The following SH3BP4 variants were observed in gnomAD, a reference collection of about 807,000 sequenced individuals.
The protein encoded by SH3BP4 is SH3 domain-binding protein 4.
SH3BP4 carries 33 observed loss-of-function variants against 65.5 expected under a neutral mutation model. The ratio of observed to expected loss-of-function variants is 0.50; its 90% CI spans 0.38 to 0.67. The LOEUF is 0.67. Ranked by LOEUF, SH3BP4 falls within the 30% of genes least tolerant of loss-of-function variation. The pLI, the probability that SH3BP4 is intolerant of heterozygous loss-of-function variation, is 0.00. For synonymous variants in SH3BP4, 552 were observed against 545.5 expected, an observed-to-expected ratio of 1.01 and a Z score of -0.17; for missense variants, 1,134 against 1,261.4, an observed-to-expected ratio of 0.90 and a Z score of 1.53.
intron 2 of SH3BP4, among the ~76,000 whole-genome samples, chr2:235,016,111 T>G (rs1694677312): frequency 8.1e-6 from 1 of 123,172 alleles, no homozygotes; most frequent in Non-Finnish European, 1.6e-5. Context: ...TGGAGACATC[T>G]TTAGATGTCA....
intron 2 of SH3BP4, among the ~76,000 whole-genome samples, chr2:235,020,754 A>C (rs1302274106): frequency 6.6e-6 from 1 of 152,178 alleles, no homozygotes; most frequent in African/African-American, 2.4e-5. Context: ...ACCCTAGAAG[A>C]AGTGCTTTTT....
At chr2:234,983,977 TACA>T (rs921180832) in intron 1 of SH3BP4, among the ~76,000 whole-genome samples, 6 of 152,210 alleles carry the variant, frequency 3.9e-5, no homozygotes, top group Non-Finnish European at 8.8e-5. Context: ...GGTAGTTTGT[TACA>T]ACATCGATAG....
At chr2:234,994,641 T>TTCA (rs1422802903) in intron 1 of SH3BP4, 7 of 152,116 alleles carry the variant, frequency 4.6e-5, no homozygotes, top group Admixed American at 2.0e-4. Flanking sequence ...GTGTCTGGGG[T>TTCA]TCATCTTCAG....
chr2:235,010,447 C>T (rs915870961), intron 2 of SH3BP4, among the ~76,000 whole-genome samples: 14 of 152,294 alleles, frequency 9.2e-5, no homozygotes, highest in Middle Eastern at 3.4e-3. Flanking sequence ...CTCTGCATCT[C>T]GGTTTCCTCA....
chr2:234,984,337 G>C (rs1040349283), intron 1 of SH3BP4, among the ~76,000 whole-genome samples: 4 of 152,062 alleles, frequency 2.6e-5, no homozygotes, highest in Non-Finnish European at 5.9e-5. Flanking sequence ...GAGTAGCTGG[G>C]ACTGCAGGCA....
At chr2:235,011,626 A>T (rs1312690163) in intron 2 of SH3BP4, among the ~76,000 whole-genome samples, 1 of 152,196 alleles carries the variant, frequency 6.6e-6, no homozygotes, top group Non-Finnish European at 1.5e-5. Flanking sequence ...CCTGCTGAGA[A>T]CAGCGACAGT....
At chr2:235,006,487 T>C (rs1694299994) in intron 2 of SH3BP4, among the ~76,000 whole-genome samples, 1 of 151,132 alleles carries the variant, frequency 6.6e-6, no homozygotes, top group African/African-American at 2.4e-5. Context: ...CGGATGAAGG[T>C]CCCGATGGTG....
rs780165191 is a variant in SH3BP4 at position 235,033,390 on chromosome 2, C to CT, written c.-132-1480dup. On this transcript the variant is annotated intron_variant, in intron 2 of 5. Coordinates refer to ENST00000392011, the MANE Select transcript of SH3BP4 (RefSeq NM_014521.3). The surrounding 1 kb of genome is among the most constrained non-coding windows in gnomAD (Gnocchi z 5.7). ...CCCACCTTCATGATCTCTTCTAACT[C>CT]TAACTACTCCCCACTGCCCCACCTG... Among the ~76,000 whole-genome samples, 3 of 152,202 alleles carry CT rather than the reference C, an allele frequency of 2.0e-5. No individual in the cohort carries two copies. Among genetic ancestry groups the CT allele is most frequent in the Admixed American group, 1.3e-4 (2 of 15,290 alleles).
intron 1 of SH3BP4, among the ~76,000 whole-genome samples, chr2:234,994,263 A>G (rs1333401107): frequency 2.0e-5 from 3 of 152,056 alleles, no homozygotes; most frequent in Non-Finnish European, 4.4e-5. Flanking sequence ...ATCACAGGGA[A>G]TGATTCTTTC....
Position 235,007,333 on chromosome 2 carries a change from A to G in SH3BP4, c.-133+11957A>G, listed in dbSNP as rs1178436638. On this transcript the variant is annotated intron_variant, in intron 2 of 5. Coordinates refer to ENST00000392011, the MANE Select transcript of SH3BP4 (RefSeq NM_014521.3). ...GACCAAATGGCCTGAAAAGCCCCAG[A>G]TACTGACTCTCTGATCCTTTACCAC... is the stretch of plus-strand genomic sequence containing the variant. 3.3e-5 allele frequency among the ~76,000 whole-genome samples: 5 copies of G among 152,124 alleles called. 1 individual carries two copies. The South Asian group carries it at 1.0e-3, about 32-fold the overall frequency.
intron 1 of SH3BP4, among the ~76,000 whole-genome samples, chr2:234,986,553 G>A (rs1047188913): frequency 1.3e-5 from 2 of 152,156 alleles, no homozygotes; most frequent in African/African-American, 4.8e-5. Flanking sequence ...ACTGCAGCCT[G>A]TGTGGTCTTG....
chr2:234,984,162 G>A (rs1245294769), intron 1 of SH3BP4, among the ~76,000 whole-genome samples: 1 of 152,162 alleles, frequency 6.6e-6, no homozygotes, highest in Non-Finnish European at 1.5e-5. Flanking sequence ...CCTCAGCCTG[G>A]AAGTGACCCA....
At chr2:235,038,382 T>TAC (rs1313230821) in intron 3 of SH3BP4, among the ~76,000 whole-genome samples, 1 of 9,346 alleles carries the variant, frequency 1.1e-4, no homozygotes. Flanking sequence ...TATACATATA[T>TAC]ATATATATAT....
At position 234,970,228 on chromosome 2, in the gene SH3BP4, C is replaced by T. The variant is rs532060043; in HGVS notation, c.-207+18058C>T. 2.0e-5 allele frequency among the ~76,000 whole-genome samples: 3 copies of T among 152,302 alleles called. No individual in the cohort carries two copies. In the East Asian group the frequency reaches 5.8e-4, roughly 29 times the overall value. Reference sequence around the variant, plus strand: ...GGTCAGAACTCAAAACATTTGGGAACGCTGATGCCGAAGGACTGGCCGGAT... The same window carrying T: ...GGTCAGAACTCAAAACATTTGGGAATGCTGATGCCGAAGGACTGGCCGGAT... On this transcript the variant is annotated intron_variant, in intron 1 of 5. Coordinates refer to ENST00000392011, the MANE Select transcript of SH3BP4 (RefSeq NM_014521.3).
rs1693171943 is a variant in SH3BP4 at position 234,976,515 on chromosome 2, G to C, written c.-206-18788G>C. ...AGCAGGGCTACCGTCTCTCGGCCCGGGGCTTCTTGTTTCATGATAAATACA... is the reference window on the plus strand; with the variant it reads ...AGCAGGGCTACCGTCTCTCGGCCCGCGGCTTCTTGTTTCATGATAAATACA... On this transcript the variant is annotated intron_variant, in intron 1 of 5. Transcript: ENST00000392011. The surrounding 1 kb of genome is among the most constrained non-coding windows in gnomAD (Gnocchi z 4.7). Among the ~76,000 whole-genome samples, 1 of 152,054 alleles carries C rather than the reference G, an allele frequency of 6.6e-6. No homozygotes were observed. The highest frequency in any genetic ancestry group is 1.5e-5 in the Non-Finnish European group (1 of 68,014).
chr2:234,968,572 A>G (rs1692898789), intron 1 of SH3BP4, among the ~76,000 whole-genome samples: 1 of 152,036 alleles, frequency 6.6e-6, no homozygotes, highest in African/African-American at 2.4e-5. Context: ...TTTCTCTGGG[A>G]CACGGGGTTT....
At chr2:235,011,598 CTT>C (rs1157377238) in intron 2 of SH3BP4, among the ~76,000 whole-genome samples, 2 of 152,228 alleles carry the variant, frequency 1.3e-5, no homozygotes, top group African/African-American at 4.8e-5. Context: ...TCATCTGTGT[CTT>C]TGTCATTTCC....
chr2:235,042,472 A>G lies in SH3BP4; in HGVS notation c.1703A>G (p.Lys568Arg), dbSNP rs753855465. Reference sequence around the variant, plus strand: ...CGAGGATTCCAGCTGAAGCTGGGCAAGGTGAGCCGCCTGATCTTCCCCATC... The same window carrying G: ...CGAGGATTCCAGCTGAAGCTGGGCAGGGTGAGCCGCCTGATCTTCCCCATC... ...VVRGFQLKLGKVSRLIFPITS... is the reference protein window; with the variant it reads ...VVRGFQLKLGRVSRLIFPITS... The change falls in exon 4 of 6, where the codon AAG becomes AGG. Residue 568 changes from lysine to arginine, a missense_variant. Transcript: ENST00000392011. The surrounding 1 kb of genome is among the most constrained non-coding windows in gnomAD (Gnocchi z 7.3). 6 of 1,614,066 alleles carry G rather than the reference A, an allele frequency of 3.7e-6. No homozygotes were observed. The East Asian group carries it at 1.3e-4, about 36-fold the overall frequency.
At chr2:234,989,608 A>G (rs1468348405) in intron 1 of SH3BP4, among the ~76,000 whole-genome samples, 1 of 152,220 alleles carries the variant, frequency 6.6e-6, no homozygotes, top group Admixed American at 6.5e-5. Flanking sequence ...CTTGTGGGCC[A>G]TAAGGTCTGT....
Sources: gnomAD v4.1 joint callset for allele counts (sites outside exome capture counted in the v4.1 genomes callset) on GRCh38, gnomAD v4.1.1 for gene constraint, Gnocchi (gnomAD v3.1) non-coding constraint, MANE v1.5 for transcripts, NCBI Gene and HGNC (gene_info 2026-07-23, HGNC 2026-07-21) for gene names.